PAPPA2: variants seen among roughly 807,000 people sequenced by gnomAD.
The protein encoded by PAPPA2 is pappalysin-2.
In PAPPA2, 86 loss-of-function variants were observed where a neutral mutation model predicts 176.4. The observed-to-expected ratio is 0.49, with a 90% CI of 0.41 to 0.58. The LOEUF (loss-of-function observed/expected upper bound fraction) is 0.58. Ranked by LOEUF, PAPPA2 falls within the 20% of genes least tolerant of loss-of-function variation. The pLI is 0.00. For missense variants in PAPPA2, 2,073 were observed against 2,256.9 expected (o/e 0.92, Z 1.65); for synonymous variants, 809 against 852.2 (o/e 0.95, Z 0.88).
intron 11 of PAPPA2, among the ~76,000 whole-genome samples, chr1:176,710,914 G>A (rs975621243): frequency 3.3e-5 from 5 of 152,088 alleles, no homozygotes; most frequent in African/African-American, 9.7e-5. Context: ...TTTCATCCTC[G>A]GGTGCAGCCT....
chr1:176,525,459 G>C (rs1649450485), intron 1 of PAPPA2, among the ~76,000 whole-genome samples: 1 of 152,152 alleles, frequency 6.6e-6, no homozygotes, highest in African/African-American at 2.4e-5. Flanking sequence ...ATGTCAAAAA[G>C]ATGTTCAGGA....
intron 21 of PAPPA2, among the ~76,000 whole-genome samples, chr1:176,818,975 T>A (rs779525083): frequency 6.6e-6 from 1 of 152,226 alleles, no homozygotes; most frequent in Non-Finnish European, 1.5e-5. Flanking sequence ...TAATTTGCTG[T>A]AGAGTTATTT....
chr1:176,570,257 G>A (rs1433164278), intron 2 of PAPPA2, among the ~76,000 whole-genome samples: 3 of 152,110 alleles, frequency 2.0e-5, no homozygotes, highest in Non-Finnish European at 4.4e-5. Context: ...CACCTTCTCC[G>A]GCCCTTTGAA....
chr1:176,515,711 CT>C (rs376731589), intron 1 of PAPPA2, among the ~76,000 whole-genome samples: 1 of 151,208 alleles, frequency 6.6e-6, no homozygotes, highest in Non-Finnish European at 1.5e-5. Flanking sequence ...TTCATTTTGG[CT>C]TTTTTTTTCA....
At chr1:176,553,589 G>A (rs1651094364) in intron 1 of PAPPA2, 1 of 151,992 alleles carries the variant, frequency 6.6e-6, no homozygotes, top group Admixed American at 6.5e-5. Context: ...GTTTTGTGTA[G>A]CTTCTTGAAA....
At position 176,611,885 on chromosome 1, in the gene PAPPA2, A is replaced by T. The variant is rs539499313; in HGVS notation, c.1991+16290A>T. 2.6e-5 allele frequency among the ~76,000 whole-genome samples: 4 copies of T among 152,220 alleles called. No homozygotes were observed. In the South Asian group the frequency reaches 8.3e-4, roughly 32 times the overall value. On this transcript the variant is annotated intron_variant, in intron 3 of 22. Coordinates refer to ENST00000367662, the MANE Select transcript of PAPPA2 (RefSeq NM_020318.3). ...CATTCATCCATTCATTCATTAACTC[A>T]TCTGAATTTTATTTCCATGCCTAGA...
At chr1:176,804,885 T>G (rs1427407203) in intron 21 of PAPPA2, among the ~76,000 whole-genome samples, 1 of 152,096 alleles carries the variant, frequency 6.6e-6, no homozygotes, top group Non-Finnish European at 1.5e-5. Flanking sequence ...ATAAAAGACC[T>G]GTTAAATGCT....
intron 3 of PAPPA2, among the ~76,000 whole-genome samples, chr1:176,637,597 G>T (rs1219733669): frequency 1.3e-5 from 2 of 152,132 alleles, no homozygotes; most frequent in East Asian, 3.9e-4. Context: ...TGGAAAGTGG[G>T]CCTATAATCC....
At chr1:176,644,903 G>T (rs1230858324) in intron 3 of PAPPA2, among the ~76,000 whole-genome samples, 2 of 151,766 alleles carry the variant, frequency 1.3e-5, no homozygotes, top group Admixed American at 6.6e-5. Context: ...AACCAGGAAA[G>T]AGCACAACAC....
chr1:176,735,337 A>T (rs1662348558), intron 12 of PAPPA2, among the ~76,000 whole-genome samples: 2 of 152,122 alleles, frequency 1.3e-5, no homozygotes, highest in Non-Finnish European at 2.9e-5. Flanking sequence ...GAAAATGAAA[A>T]GGCACAGAAG....
chr1:176,793,226 T>C (rs1238148525), intron 19 of PAPPA2, among the ~76,000 whole-genome samples: 1 of 152,126 alleles, frequency 6.6e-6, no homozygotes, highest in Non-Finnish European at 1.5e-5. Flanking sequence ...CTGGAGGGGA[T>C]CTTGGAGGCC....
chr1:176,534,400 T>A (rs1378612130), intron 1 of PAPPA2, among the ~76,000 whole-genome samples: 1 of 152,198 alleles, frequency 6.6e-6, no homozygotes, highest in East Asian at 1.9e-4. Context: ...ATCCCTAGCT[T>A]CCCACAGCCT....
chr1:176,722,459 G>C (rs1661671271), intron 12 of PAPPA2, among the ~76,000 whole-genome samples: 1 of 143,892 alleles, frequency 6.9e-6, no homozygotes, highest in African/African-American at 2.6e-5. Flanking sequence ...TTTCTTCTAA[G>C]GCCTGGCTCT....
At chr1:176,601,044 C>T (rs557965028) in intron 3 of PAPPA2, among the ~76,000 whole-genome samples, 1 of 152,128 alleles carries the variant, frequency 6.6e-6, no homozygotes, top group African/African-American at 2.4e-5. Context: ...AAATTTAATC[C>T]CTGAAGCAAC....
chr1:176,604,239 C>T (rs1215792077), intron 3 of PAPPA2, among the ~76,000 whole-genome samples: 2 of 152,036 alleles, frequency 1.3e-5, no homozygotes, highest in East Asian at 3.9e-4. Context: ...TGGTTTCTTC[C>T]CCTGCTTTAT....
chr1:176,669,628 T>C (rs1180571413), intron 3 of PAPPA2, among the ~76,000 whole-genome samples: 1 of 152,186 alleles, frequency 6.6e-6, no homozygotes, highest in Non-Finnish European at 1.5e-5. Flanking sequence ...TATAAGTCAG[T>C]AAAAGATAGT....
chr1:176,572,225 G>A (rs1652387538), intron 2 of PAPPA2, among the ~76,000 whole-genome samples: 1 of 152,172 alleles, frequency 6.6e-6, no homozygotes, highest in Non-Finnish European at 1.5e-5. Flanking sequence ...TTTAGAAGGA[G>A]TTTCAATAAG....
At chr1:176,804,268 C>T (rs1240718634) in intron 21 of PAPPA2, among the ~76,000 whole-genome samples, 1 of 152,162 alleles carries the variant, frequency 6.6e-6, no homozygotes. Context: ...CGGGACTCAT[C>T]CTGTGACTTA....
chr1:176,782,647 G>A (rs980286993), intron 17 of PAPPA2, among the ~76,000 whole-genome samples: 2 of 152,138 alleles, frequency 1.3e-5, no homozygotes, highest in Admixed American at 1.3e-4. Flanking sequence ...AGTGTATTAA[G>A]GAAGGTGAAT....
Sources: allele counts gnomAD v4.1 joint callset (sites outside exome capture counted in the v4.1 genomes callset), GRCh38; gene constraint gnomAD v4.1.1; transcripts MANE v1.5; gene names NCBI Gene and HGNC (gene_info 2026-07-23, HGNC 2026-07-21).